PLEKHD1: variants seen among roughly 807,000 people sequenced by gnomAD.
The protein encoded by PLEKHD1 is pleckstrin homology and coiled-coil domain containing D1, also known as pleckstrin homology domain-containing family D member 1.
In PLEKHD1, 51 loss-of-function variants were observed where a neutral mutation model predicts 69.2. That is an observed-to-expected ratio of 0.74 (90% CI 0.59 to 0.93). The LOEUF is 0.93. PLEKHD1 is among the 40% of genes least tolerant of loss of function. The pLI, the probability that PLEKHD1 is intolerant of heterozygous loss-of-function variation, is 0.00. For synonymous variants in PLEKHD1, 236 were observed against 244.7 expected, an observed-to-expected ratio of 0.96 and a Z score of 0.33; for missense variants, 584 against 641.0, an observed-to-expected ratio of 0.91 and a Z score of 0.96.
Position 69,528,543 on chromosome 14 carries a change from G to A in PLEKHD1, c.*124G>A, listed in dbSNP as rs887915978. Reference sequence around the variant, plus strand: ...TGGTCTGGAGCCTATGTCTCCTCTGGGCCGGAGCTCCACTTGGGGGCCAGC... The same window carrying A: ...TGGTCTGGAGCCTATGTCTCCTCTGAGCCGGAGCTCCACTTGGGGGCCAGC... On this transcript the variant is annotated 3_prime_UTR_variant, in exon 13 of 13. Transcript: ENST00000322564. The A allele has an allele frequency of 1.4e-5, 18 of 1,303,008 alleles. No homozygotes were observed. The Admixed American group carries it at 4.9e-4, about 36-fold the overall frequency. 80.7% of individuals were successfully genotyped at this position (1,303,008 alleles called of 1,614,324 possible). A position where few individuals can be genotyped will look rare whatever the true frequency, so the allele number is the denominator to read the frequency against.
At chr14:69,495,689 G>C (rs545814991) in intron 1 of PLEKHD1, among the ~76,000 whole-genome samples, 7 of 152,112 alleles carry the variant, frequency 4.6e-5, no homozygotes, top group Non-Finnish European at 1.0e-4. Flanking sequence ...CAGTTCCCTC[G>C]AGAGCTAGGC....
intron 1 of PLEKHD1, among the ~76,000 whole-genome samples, chr14:69,485,670 C>A (rs1045210741): frequency 6.6e-6 from 1 of 152,200 alleles, no homozygotes; most frequent in Non-Finnish European, 1.5e-5. Context: ...ACCTTGGCAA[C>A]CCCTCCAACT....
At chr14:69,471,091 T>A in the PLEKHD1 span, among the ~76,000 whole-genome samples, 1 of 7,876 alleles carries the variant, frequency 1.3e-4, no homozygotes, top group Non-Finnish European at 3.0e-4. Context: ...GTGCCTGGCC[T>A]TTTTTTTTTT....
intron 12 of PLEKHD1, 136 bp from the exon 13 acceptor site, chr14:69,528,114 C>T: frequency 1.4e-6 from 2 of 1,403,526 alleles, no homozygotes; most frequent in South Asian, 1.3e-5. Context: ...GATATGGAAG[C>T]CCGTGTGTGT....
chr14:69,501,051 G>A (rs1168959316), intron 4 of PLEKHD1, 104 bp downstream of exon 4: 3 of 1,229,846 alleles, frequency 2.4e-6, no homozygotes, highest in African/African-American at 1.5e-5. Flanking sequence ...TGGGCACAGG[G>A]CCAGGGCTGT....
chr14:69,527,547 G>A (rs944405268), intron 11 of PLEKHD1, among the ~76,000 whole-genome samples: 1 of 152,246 alleles, frequency 6.6e-6, no homozygotes, highest in Admixed American at 6.5e-5. Flanking sequence ...AAAGCCAGGA[G>A]CTTCTTCCAT....
chr14:69,479,157 T>G, the PLEKHD1 span, among the ~76,000 whole-genome samples: 1 of 152,162 alleles, frequency 6.6e-6, no homozygotes, highest in Non-Finnish European at 1.5e-5. Context: ...GAAACTCCCC[T>G]TTTTAAAACC....
At chr14:69,470,801 C>G in the PLEKHD1 span, among the ~76,000 whole-genome samples, 1 of 151,838 alleles carries the variant, frequency 6.6e-6, no homozygotes, top group African/African-American at 2.4e-5. Context: ...GAGTCTCGCT[C>G]TGTCGCCCAG....
In PLEKHD1 at chr14:69,500,018, C is replaced by T; in HGVS notation, c.150-97C>T. ...GCTGAGCTGGTGTCCCTGTGGGCTC[C>T]CATGTGAGTCCAGGGCCCCCAAGGG... On this transcript the variant is annotated intron_variant, in intron 1 of 12. Transcript: ENST00000322564. 5 of 783,014 alleles carry T rather than the reference C, an allele frequency of 6.4e-6. No homozygotes were observed. In the Middle Eastern group the frequency reaches 7.1e-4, roughly 110 times the overall value. The allele number at this position is 783,014 out of a possible 1,614,324, so 48.5% of individuals were successfully genotyped here.
intron 6 of PLEKHD1, among the ~76,000 whole-genome samples, chr14:69,509,937 CA>C (rs879827722): frequency 1.1e-3 from 161 of 141,010 alleles, no homozygotes; most frequent in Middle Eastern, 3.7e-3. Context: ...GACTCCATCT[CA>C]AAAAAAAAAA....
intron 6 of PLEKHD1, among the ~76,000 whole-genome samples, chr14:69,520,866 A>C (rs1429317333): frequency 3.3e-5 from 5 of 152,244 alleles, no homozygotes; most frequent in Non-Finnish European, 5.9e-5. Flanking sequence ...ACTGCCTAGA[A>C]GTAACACACT....
intron 6 of PLEKHD1, among the ~76,000 whole-genome samples, chr14:69,517,015 A>G (rs1883398915): frequency 6.6e-6 from 1 of 152,154 alleles, no homozygotes; most frequent in Non-Finnish European, 1.5e-5. Context: ...GGCCAGAAAG[A>G]GTGCAAAGAG....
intron 1 of PLEKHD1, among the ~76,000 whole-genome samples, chr14:69,490,189 G>A (rs12589299): frequency 0.13 from 19,992 of 152,144 alleles, 1,939 homozygotes; most frequent in African/African-American, 0.28. Flanking sequence ...AGTCCCCAAC[G>A]TTTTTGGCAC....
chr14:69,481,159 A>G (rs1882535036), upstream of PLEKHD1, among the ~76,000 whole-genome samples: 1 of 152,174 alleles, frequency 6.6e-6, no homozygotes, highest in African/African-American at 2.4e-5. Context: ...CTTAAAATAA[A>G]TAAATAAATA....
intron 6 of PLEKHD1, among the ~76,000 whole-genome samples, chr14:69,510,409 T>C (rs1883244679): frequency 6.6e-6 from 1 of 152,234 alleles, no homozygotes. Context: ...ACATTATTTT[T>C]AGATTTATAC....
chr14:69,525,938 T>G lies in PLEKHD1; in HGVS notation c.745-6T>G. 6.5e-7 allele frequency: 1 copy of G among 1,546,892 alleles called. No homozygotes were observed. Among genetic ancestry groups the G allele is most frequent in the Non-Finnish European group, 8.7e-7 (1 of 1,145,536 alleles). On this transcript the variant is annotated splice_region_variant and splice_polypyrimidine_tract_variant and intron_variant, in intron 8 of 12. Transcript: ENST00000322564. ...CTTTTCTTTTCCTTGCCTCCCTCCATGCCAGGAACTCTCCATAGAGAAGAA... is the reference window on the plus strand; with the variant it reads ...CTTTTCTTTTCCTTGCCTCCCTCCAGGCCAGGAACTCTCCATAGAGAAGAA...
chr14:69,503,046 T>C (rs993801316), intron 6 of PLEKHD1, 167 bp downstream of exon 6: 14 of 720,494 alleles, frequency 1.9e-5, no homozygotes, highest in Admixed American at 5.0e-5. Flanking sequence ...GGACTTGCTG[T>C]AACTTGTTGG....
chr14:69,519,605 A>T (rs528128727), intron 6 of PLEKHD1, among the ~76,000 whole-genome samples: 1 of 152,310 alleles, frequency 6.6e-6, no homozygotes, highest in South Asian at 2.1e-4. Flanking sequence ...GGTGGATCAC[A>T]TTCACTTTCT....
intron 8 of PLEKHD1, 62 bp downstream of exon 8, chr14:69,524,384 A>G (rs1883591754): frequency 7.2e-7 from 1 of 1,392,468 alleles, no homozygotes; most frequent in African/African-American, 1.4e-5. Context: ...ACCACATGAC[A>G]CTGTTTTTTC....
Sources: gnomAD v4.1 joint callset for allele counts (sites outside exome capture counted in the v4.1 genomes callset) on GRCh38, gnomAD v4.1.1 for gene constraint, MANE v1.5 for transcripts, NCBI Gene and HGNC (gene_info 2026-07-23, HGNC 2026-07-21) for gene names.